EHBP1: variants seen among roughly 807,000 people sequenced by gnomAD.
EHBP1 encodes EH domain-binding protein 1.
EHBP1 carries 55 observed loss-of-function variants against 144.0 expected under a neutral mutation model. That is an observed-to-expected ratio of 0.38 (90% confidence interval 0.31 to 0.48). The LOEUF (loss-of-function observed/expected upper bound fraction) is 0.48, where lower values mean the gene tolerates loss of function less well. Among genes scored for constraint, EHBP1 ranks in the 20% least tolerant of loss-of-function variants. EHBP1 has a pLI of 0.98. For synonymous variants in EHBP1, 469 were observed against 472.7 expected (o/e 0.99, Z 0.10); for missense variants, 1,200 against 1,364.2 (o/e 0.88, Z 1.90).
rs368660729 is a variant in EHBP1, at chr2:62,900,870, A to G, written c.1185+26338A>G. On this transcript the variant is annotated intron_variant, in intron 10 of 22. Coordinates refer to ENST00000431489, the MANE Select transcript of EHBP1 (RefSeq NM_001142616.3). ...GCACTGAAATATCTTCTTGGAAAGT[A>G]TATCTTATGTATTTGATTATTTTTT... 1.2e-4 allele frequency among the ~76,000 whole-genome samples: 18 copies of G among 152,206 alleles called. No individual in the cohort carries two copies. In the East Asian group the frequency reaches 3.3e-3, roughly 28 times the overall value.
At chr2:62,955,773 G>A in intron 14 of EHBP1, 113 bp downstream of exon 14, 1 of 1,154,412 alleles carries the variant, frequency 8.7e-7, no homozygotes, top group Non-Finnish European at 1.2e-6. Context: ...TGTACATTGT[G>A]AATACTTGGT....
chr2:63,018,176 A>G (rs1223471991), intron 19 of EHBP1, among the ~76,000 whole-genome samples: 1 of 152,164 alleles, frequency 6.6e-6, no homozygotes, highest in African/African-American at 2.4e-5. Flanking sequence ...AATAAAATAA[A>G]TAAAAGGAGA....
chr2:62,951,994 C>T (rs2057417964), intron 13 of EHBP1, among the ~76,000 whole-genome samples: 2 of 152,188 alleles, frequency 1.3e-5, no homozygotes, highest in Admixed American at 6.5e-5. Flanking sequence ...GCCATTTAGC[C>T]TCTCTCGATC....
intron 6 of EHBP1, among the ~76,000 whole-genome samples, chr2:62,830,573 A>G (rs1320423253): frequency 6.6e-6 from 1 of 152,066 alleles, no homozygotes; most frequent in Non-Finnish European, 1.5e-5. Flanking sequence ...TAGTTTGTGA[A>G]TATTTTCTCC....
intron 5 of EHBP1, among the ~76,000 whole-genome samples, chr2:62,786,441 T>G (rs780462500): frequency 1.3e-5 from 2 of 152,182 alleles, no homozygotes; most frequent in Admixed American, 6.5e-5. Flanking sequence ...TGTAAGCCAA[T>G]CACAAACCTG....
At chr2:62,733,576 G>A (rs1273976698) in intron 2 of EHBP1, among the ~76,000 whole-genome samples, 1 of 152,170 alleles carries the variant, frequency 6.6e-6, no homozygotes, top group Non-Finnish European at 1.5e-5. Context: ...AGTCTAGAGG[G>A]TACTGGAGTT....
At chr2:62,804,703 C>G (rs2044307304) in intron 5 of EHBP1, among the ~76,000 whole-genome samples, 2 of 152,164 alleles carry the variant, frequency 1.3e-5, no homozygotes, top group African/African-American at 4.8e-5. Flanking sequence ...CCCCAGCCCT[C>G]AGGCCATGGA....
chr2:62,753,892 G>A lies in EHBP1; in HGVS notation c.162+6440G>A, dbSNP rs151245427. On this transcript the variant is annotated intron_variant, in intron 3 of 22. Coordinates refer to ENST00000431489, the MANE Select transcript of EHBP1 (RefSeq NM_001142616.3). ...CACTGGTTATTCTAGTTAGACATTC[G>A]TCTAATCTTTCTTCAAAGTTTTTAG... is the stretch of plus-strand genomic sequence containing the variant. 4.3e-3 allele frequency among the ~76,000 whole-genome samples: 653 copies of A among 152,232 alleles called. 4 individuals carry two copies. The highest frequency in any genetic ancestry group is 6.9e-3 in the Non-Finnish European group (470 of 68,008).
rs1362999906 is a variant in EHBP1, at chr2:62,750,773, G to C, written c.162+3321G>C. Among the ~76,000 whole-genome samples the C allele has an allele frequency of 3.3e-5, 5 of 152,216 alleles. No individual in the cohort carries two copies. The East Asian group carries it at 9.6e-4, about 29-fold the overall frequency. On this transcript the variant is annotated intron_variant, in intron 3 of 22. Coordinates refer to ENST00000431489, the MANE Select transcript of EHBP1 (RefSeq NM_001142616.3). ...GTGAATGGGAGTTCCCTCATGATTT[G>C]GCTCTCTGTTTGTCTGTTATTGGTG... is the stretch of plus-strand genomic sequence containing the variant.
intron 2 of EHBP1, among the ~76,000 whole-genome samples, chr2:62,730,976 T>A (rs543811524): frequency 1.3e-5 from 2 of 149,358 alleles, no homozygotes; most frequent in East Asian, 4.0e-4. Context: ...GGGAGTTTGA[T>A]TGATACTGCA....
chr2:62,732,707 C>T (rs1381618187), intron 2 of EHBP1, among the ~76,000 whole-genome samples: 1 of 152,176 alleles, frequency 6.6e-6, no homozygotes, highest in East Asian at 1.9e-4. Flanking sequence ...AACCATGCGC[C>T]AATTAAACCT....
intron 1 of EHBP1, among the ~76,000 whole-genome samples, chr2:62,692,913 T>C (rs2033955974): frequency 6.6e-6 from 1 of 152,108 alleles, no homozygotes; most frequent in African/African-American, 2.4e-5. Context: ...TAAAAAATTA[T>C]CGTTGACTGT....
chr2:62,698,938 C>T (rs937364689), intron 1 of EHBP1, among the ~76,000 whole-genome samples: 47 of 152,172 alleles, frequency 3.1e-4, no homozygotes, highest in African/African-American at 1.0e-3. Context: ...TTGGCTCATG[C>T]CCAGTGCCCT....
At chr2:62,955,339 T>C (rs546291751) in intron 13 of EHBP1, among the ~76,000 whole-genome samples, 178 bp from the exon 14 acceptor site, 8 of 152,338 alleles carry the variant, frequency 5.3e-5, no homozygotes, top group Middle Eastern at 3.4e-3. Context: ...TGTCAAGATT[T>C]ATATATTTGT....
At chr2:62,857,695 G>A (rs2049168001) in intron 7 of EHBP1, among the ~76,000 whole-genome samples, 1 of 152,090 alleles carries the variant, frequency 6.6e-6, no homozygotes, top group South Asian at 2.1e-4. Flanking sequence ...TTCACCCAAT[G>A]AGTGATAATT....
intron 10 of EHBP1, among the ~76,000 whole-genome samples, chr2:62,940,452 G>A (rs140732636): frequency 1.3e-3 from 198 of 152,232 alleles, no homozygotes; most frequent in African/African-American, 4.4e-3. Flanking sequence ...GATATGTACC[G>A]TTATAATCTG....
Position 62,953,157 on chromosome 2 carries a change from C to G in EHBP1, c.2317-2360C>G, listed in dbSNP as rs1236871512. Among the ~76,000 whole-genome samples the G allele has an allele frequency of 2.4e-5, 3 of 124,104 alleles. No individual in the cohort carries two copies. In the Admixed American group the frequency reaches 3.2e-4, roughly 13 times the overall value. 81.4% of individuals were successfully genotyped at this position (124,104 alleles called of 152,430 possible). A position where few individuals can be genotyped will look rare whatever the true frequency, so the allele number is the denominator to read the frequency against. ...GCTTGAACCCGGGAGGCGGAGGTTGCGGTGAGCCGAGCTGGCGCCATTGTA... is the reference window on the plus strand; with the variant it reads ...GCTTGAACCCGGGAGGCGGAGGTTGGGGTGAGCCGAGCTGGCGCCATTGTA... On this transcript the variant is annotated intron_variant, in intron 13 of 22. Coordinates refer to ENST00000431489, the MANE Select transcript of EHBP1 (RefSeq NM_001142616.3).
intron 14 of EHBP1, among the ~76,000 whole-genome samples, chr2:62,956,688 G>GAA (rs552448173): frequency 4.5e-4 from 48 of 107,472 alleles, no homozygotes; most frequent in African/African-American, 8.6e-4. Flanking sequence ...TCTACTTACA[G>GAA]AAAAAAAAAA....
Position 62,831,007 on chromosome 2 carries a change from T to C in EHBP1, c.495-12T>C. 6.2e-7 allele frequency: 1 copy of C among 1,608,214 alleles called. No individual in the cohort carries two copies. The highest frequency in any genetic ancestry group is 8.5e-7 in the Non-Finnish European group (1 of 1,178,374). On this transcript the variant is annotated splice_polypyrimidine_tract_variant and intron_variant, in intron 6 of 22. Coordinates refer to ENST00000431489, the MANE Select transcript of EHBP1 (RefSeq NM_001142616.3). ...TTAGTACAATGTGTTATATTTTGAATCATTGATGTAGAGATGAAGACATGC... is the reference window on the plus strand; with the variant it reads ...TTAGTACAATGTGTTATATTTTGAACCATTGATGTAGAGATGAAGACATGC...
Sources: allele counts gnomAD v4.1 joint callset (sites outside exome capture counted in the v4.1 genomes callset), GRCh38; gene constraint gnomAD v4.1.1; transcripts MANE v1.5; gene names NCBI Gene and HGNC (gene_info 2026-07-23, HGNC 2026-07-21).